DMBT1: variants seen among roughly 807,000 people sequenced by gnomAD.
DMBT1 encodes deleted in malignant brain tumors 1, also known as scavenger receptor cysteine-rich domain-containing protein DMBT1.
In DMBT1, 198 loss-of-function variants were observed where a neutral mutation model predicts 252.9. The ratio of observed to expected loss-of-function variants is 0.78; its 90% confidence interval spans 0.70 to 0.88. The LOEUF (loss-of-function observed/expected upper bound fraction) is 0.88, where lower values mean the gene tolerates loss of function less well. Ranked by LOEUF, DMBT1 falls within the 40% of genes least tolerant of loss-of-function variation. The pLI, the probability that DMBT1 is intolerant of heterozygous loss-of-function variation, is 0.00. For synonymous variants in DMBT1, 990 were observed against 942.7 expected (o/e 1.05, Z -0.92); for missense variants, 2,432 against 2,404.7 (o/e 1.01, Z -0.24).
chr10:122,617,522 G>C (rs1013155371), intron 40 of DMBT1, among the ~76,000 whole-genome samples: 2 of 151,514 alleles, frequency 1.3e-5, no homozygotes, highest in South Asian at 2.1e-4. Context: ...GCACTGGAAG[G>C]CTCCCTAATC....
chr10:122,592,541 G>A lies in DMBT1; in HGVS notation c.2446G>A (p.Gly816Ser). ...CTACCTGTGGAGCTGCCCCCACAATGGCTGGCTCTCCCACAACTGTGGCCA... is the reference window on the plus strand; with the variant it reads ...CTACCTGTGGAGCTGCCCCCACAATAGCTGGCTCTCCCACAACTGTGGCCA... ...ESYLWSCPHN[G>S]WLSHNCGHHE... Residue 816 changes from glycine (G) to serine (S), a missense_variant, in exon 20 of 56, where the codon GGC becomes AGC. Coordinates refer to ENST00000338354, the MANE Select transcript of DMBT1 (RefSeq NM_001377530.1). The A allele has an allele frequency of 6.3e-7, 1 of 1,588,294 alleles. No homozygotes were observed. Among genetic ancestry groups the A allele is most frequent in the Non-Finnish European group, 8.6e-7 (1 of 1,165,636 alleles).
At chr10:122,617,535 G>A (rs981195663) in intron 40 of DMBT1, among the ~76,000 whole-genome samples, 13 of 151,544 alleles carry the variant, frequency 8.6e-5, no homozygotes, top group African/African-American at 2.9e-4. Context: ...CCCTAATCCT[G>A]CTGGGACCTC....
rs1235892656 is a variant in DMBT1, at chr10:122,630,978, G to C, written c.6043G>C (p.Val2015Leu). Residue 2015 changes from valine (V) to leucine (L), a missense_variant, in exon 49 of 56, where the codon GTC becomes CTC. By Grantham distance (32) the Val-to-Leu change is conservative. Around this residue, in one of 3 missense-constraint regions of DMBT1, gnomAD observed 1,162 missense variants for 1,169.0 expected, o/e 0.99. Coordinates refer to ENST00000338354, the MANE Select transcript of DMBT1 (RefSeq NM_001377530.1). ...SFPSDATLRL[V>L]NLNSSYGLCA... ...TCTTTCAGATGCCACCTTGAGGTTG[G>C]TCAATTTAAATTCATCCTATGGTCT... 1 of 1,601,596 alleles carries C rather than the reference G, an allele frequency of 6.2e-7. No homozygotes were observed. Among genetic ancestry groups the C allele is most frequent in the East Asian group, 2.2e-5 (1 of 44,518 alleles).
At chr10:122,617,390 T>C (rs1003737924) in intron 40 of DMBT1, 130 bp downstream of exon 40, 3 of 1,196,920 alleles carry the variant, frequency 2.5e-6, no homozygotes, top group African/African-American at 3.1e-5. Flanking sequence ...GGGAGGAAGG[T>C]GGAGTTTCTA....
Position 122,591,751 on chromosome 10 carries a change from C to T in DMBT1, c.2176+234C>T, listed in dbSNP as rs141143755. Among the ~76,000 whole-genome samples, 1,019 of 148,864 alleles carry T rather than the reference C, an allele frequency of 6.8e-3. 116 individuals carry two copies. The highest frequency in any genetic ancestry group is 0.014 in the South Asian group (61 of 4,436). On this transcript the variant is annotated intron_variant, in intron 19 of 55. Transcript: ENST00000338354. The stretch of plus-strand genomic sequence containing the variant: ...CGTGTTCCAAGTATCAGTAAAGATC[C>T]TCATTCAGGTGCTGGACAAACCCTG...
In DMBT1 at chr10:122,591,406, C is replaced by A. The variant is rs761549915; in HGVS notation, c.2138-73C>A. 208 of 1,458,954 alleles carry A rather than the reference C, an allele frequency of 1.4e-4. 11 individuals are homozygous for A. Among genetic ancestry groups the A allele is most frequent in the Middle Eastern group, 6.8e-4 (4 of 5,878 alleles). The allele number at this position is 1,458,954 out of a possible 1,614,324, so 90.4% of individuals were successfully genotyped here. On this transcript the variant is annotated intron_variant, in intron 18 of 55. Coordinates refer to ENST00000338354, the MANE Select transcript of DMBT1 (RefSeq NM_001377530.1). ...AGAATATTCATGATGCTTGCCTTGT[C>A]CAGAGACCTTTCCTTTTGGAGCTTT...
chr10:122,599,846 C>CA (rs138375154), intron 26 of DMBT1, among the ~76,000 whole-genome samples: 2,837 of 152,200 alleles, frequency 0.019, 87 homozygotes, highest in East Asian at 0.13. Flanking sequence ...TGGGCAGACA[C>CA]AAGTTGATCA....
chr10:122,634,169 G>A (rs944352048), intron 52 of DMBT1, among the ~76,000 whole-genome samples: 2 of 152,082 alleles, frequency 1.3e-5, no homozygotes, highest in African/African-American at 4.8e-5. Flanking sequence ...AAGAACAATT[G>A]TATCTGTTTT....
At chr10:122,629,712 T>A (rs1416525962) in intron 46 of DMBT1, 128 bp from the exon 47 acceptor site, 7 of 1,174,542 alleles carry the variant, frequency 6.0e-6, no homozygotes, top group Non-Finnish European at 8.4e-6. Context: ...GGGACTTGTT[T>A]ACAGGGAAAG....
At chr10:122,630,245 A>C in intron 47 of DMBT1, 43 bp from the exon 48 acceptor site, 1 of 1,578,020 alleles carries the variant, frequency 6.3e-7, no homozygotes, top group Non-Finnish European at 8.7e-7. Flanking sequence ...TGGAGGGGCA[A>C]TAGGAATTTC....
chr10:122,590,059 C>G (rs570695221), intron 17 of DMBT1, among the ~76,000 whole-genome samples: 4 of 148,492 alleles, frequency 2.7e-5, no homozygotes, highest in African/African-American at 9.7e-5. Context: ...ACGATCTCAC[C>G]GGGAGGAGTC....
At chr10:122,623,856 C>G (rs750187434) in intron 44 of DMBT1, among the ~76,000 whole-genome samples, 17 of 152,188 alleles carry the variant, frequency 1.1e-4, no homozygotes, top group Non-Finnish European at 1.9e-4. Flanking sequence ...TGTGACATTC[C>G]TTCATGGAGG....
At chr10:122,634,405 C>T (rs201850993) in intron 52 of DMBT1, among the ~76,000 whole-genome samples, 2,856 of 95,732 alleles carry the variant, frequency 0.03, 30 homozygotes, top group African/African-American at 0.054. Flanking sequence ...TCTTTCTTTT[C>T]TTTCTTTCTC....
rs1340631532 is a variant in DMBT1 at position 122,590,552 on chromosome 10, T to C, written c.2108-113T>C. 3.8e-6 allele frequency: 5 copies of C among 1,308,266 alleles called. 1 individual carries two copies. The highest frequency in any genetic ancestry group is 1.4e-5 in the African/African-American group (1 of 71,274). 81.0% of individuals were successfully genotyped at this position (1,308,266 alleles called of 1,614,324 possible). On this transcript the variant is annotated intron_variant, in intron 17 of 55. Transcript: ENST00000338354. ...GTGCATGGCAATGCCCCTCCCTCTG[T>C]GATGGGGACATAGGGTGGACTGAAG...
At position 122,590,674 on chromosome 10, in the gene DMBT1, C is replaced by T. The variant is rs1339512478; in HGVS notation, c.2117C>T (p.Ser706Phe). The change falls in exon 18 of 56, where the codon TCC (serine) becomes TTC (phenylalanine). Residue 706 changes from serine (S) to phenylalanine (F), a missense_variant. By Grantham distance (155) the Ser-to-Phe change is radical. Around this residue, in one of 3 missense-constraint regions of DMBT1, gnomAD observed 1,264 missense variants for 1,082.2 expected, o/e 1.17. Transcript: ENST00000338354. ...DAGVICSAAQ[S>F]RSTPRPDTLS... ...CTCCTCTTTCTCACAGCTGCCCAGT[C>T]CCGGTCGACGCCCAGGCCAGGTGAG... The T allele has an allele frequency of 2.5e-6, 4 of 1,587,792 alleles. No homozygotes were observed. The highest frequency in any genetic ancestry group is 2.3e-5 in the East Asian group (1 of 42,722).
Position 122,618,205 on chromosome 10 carries a change from G to T in DMBT1, c.5080G>T (p.Gly1694Cys), listed in dbSNP as rs560035067. 1 of 1,613,846 alleles carries T rather than the reference G, an allele frequency of 6.2e-7. No individual in the cohort carries two copies. The highest frequency in any genetic ancestry group is 8.5e-7 in the Non-Finnish European group (1 of 1,179,822). Residue 1694 changes from glycine (G) to cysteine (C), a missense_variant, in exon 41 of 56, where the codon GGC (glycine) becomes TGC (cysteine). Physicochemically the swap from Gly to Cys is radical, Grantham distance 159. Around this residue, in one of 3 missense-constraint regions of DMBT1, gnomAD observed 1,162 missense variants for 1,169.0 expected, o/e 0.99. Transcript: ENST00000338354. ...GTCAGCCCCAGGAAATGCCCAGTTT[G>T]GCCAGGGCTCAGGACCCATTGTCCT... is the stretch of plus-strand genomic sequence containing the variant. ...AMSAPGNAQF[G>C]QGSGPIVLDD...
At position 122,637,253 on chromosome 10, in the gene DMBT1, A is replaced by C. The variant is rs909602555; in HGVS notation, c.6883A>C (p.Ile2295Leu). 3.7e-6 allele frequency: 6 copies of C among 1,614,010 alleles called. No homozygotes were observed. The Admixed American group carries it at 6.7e-5, about 18-fold the overall frequency. ...TGGATACTACGAGTGTCGGCCCCAG[A>C]TAACGCCGAACCTGGTGATATTCAC... is the stretch of plus-strand genomic sequence containing the variant. ...WNGYYECRPQ[I>L]TPNLVIFTIP... The change falls in exon 54 of 56, where the codon ATA (isoleucine) becomes CTA (leucine). Residue 2295 changes from isoleucine (I) to leucine (L), a missense_variant. Ile to Leu is a conservative substitution (Grantham distance 5). Around this residue, in one of 3 missense-constraint regions of DMBT1, gnomAD observed 1,162 missense variants for 1,169.0 expected, o/e 0.99. Transcript: ENST00000338354.
intron 5 of DMBT1, among the ~76,000 whole-genome samples, chr10:122,572,898 T>G (rs77781713): frequency 0.015 from 2,305 of 152,292 alleles, 75 homozygotes; most frequent in East Asian, 0.13. Context: ...AGGCATTCTC[T>G]TTACTGGAAA....
In DMBT1 at chr10:122,598,011, A is replaced by G. The variant is rs1182517659; in HGVS notation, c.2955A>G (p.Val985=). The change falls in exon 25 of 56, where the codon GTA becomes GTG. Residue 985 remains valine (V), a splice_region_variant and synonymous_variant. Coordinates refer to ENST00000338354, the MANE Select transcript of DMBT1 (RefSeq NM_001377530.1). The part of the protein sequence containing the change: ...LPTITLPAST[V]GSESSLALRL... ...CCATCACCTTGCCTGCATCGACAGT[A>G]GGTAAATATTCCTCTCGCCCCTCCC... The G allele has an allele frequency of 1.2e-6, 2 of 1,613,914 alleles. No homozygotes were observed. Among genetic ancestry groups the G allele is most frequent in the Admixed American group, 3.3e-5 (2 of 60,018 alleles).
Sources: allele counts gnomAD v4.1 joint callset (sites outside exome capture counted in the v4.1 genomes callset), GRCh38; gene constraint gnomAD v4.1.1; regional missense constraint gnomAD v4.1.1; transcripts MANE v1.5; gene names NCBI Gene and HGNC (gene_info 2026-07-23, HGNC 2026-07-21).